GALNTL6: variants seen among roughly 807,000 people sequenced by gnomAD.
GALNTL6 encodes polypeptide N-acetylgalactosaminyltransferase-like 6.
In GALNTL6, 46 loss-of-function variants were observed where a neutral mutation model predicts 73.7. That is an observed-to-expected ratio of 0.62 (90% CI 0.49 to 0.80). GALNTL6 has a LOEUF of 0.80. Ranked by LOEUF, GALNTL6 falls within the 30% of genes least tolerant of loss-of-function variation. GALNTL6 has a pLI of 0.00. For missense variants in GALNTL6, 604 were observed against 755.0 expected (o/e 0.80, Z 2.34); for synonymous variants, 259 against 263.7 (o/e 0.98, Z 0.17).
intron 2 of GALNTL6, among the ~76,000 whole-genome samples, chr4:172,054,455 C>G (rs1457789913): frequency 6.6e-6 from 1 of 152,138 alleles, no homozygotes; most frequent in Non-Finnish European, 1.5e-5. Flanking sequence ...CTTATAAACA[C>G]TTGTCACAGC....
chr4:172,097,424 G>A (rs985802712), intron 2 of GALNTL6, among the ~76,000 whole-genome samples: 1 of 152,120 alleles, frequency 6.6e-6, no homozygotes, highest in Non-Finnish European at 1.5e-5. Flanking sequence ...ACAGAGCTCT[G>A]CCCATTATGA....
intron 8 of GALNTL6, among the ~76,000 whole-genome samples, chr4:172,903,375 C>T (rs1406846027): frequency 6.6e-6 from 1 of 152,150 alleles, no homozygotes; most frequent in African/African-American, 2.4e-5. Flanking sequence ...TTCTCTCTAA[C>T]AATACTAATC....
intron 3 of GALNTL6, among the ~76,000 whole-genome samples, chr4:172,272,596 T>C (rs1297574085): frequency 6.6e-6 from 1 of 152,170 alleles, no homozygotes; most frequent in East Asian, 1.9e-4. Context: ...GTCTGTGCAG[T>C]AGGTAGTCCA....
chr4:172,302,124 T>C (rs1739953957), intron 3 of GALNTL6, among the ~76,000 whole-genome samples: 1 of 152,154 alleles, frequency 6.6e-6, no homozygotes, highest in Non-Finnish European at 1.5e-5. Context: ...CAGACTGCTG[T>C]GCTAGCAATG....
chr4:172,036,038 CCAGA>C (rs1416904041), intron 2 of GALNTL6, among the ~76,000 whole-genome samples: 2 of 151,940 alleles, frequency 1.3e-5, no homozygotes, highest in Non-Finnish European at 2.9e-5. Context: ...TTTGTTAACC[CCAGA>C]CATTTAATAA....
chr4:172,843,317 A>G (rs1013011909), intron 7 of GALNTL6, among the ~76,000 whole-genome samples: 1 of 152,188 alleles, frequency 6.6e-6, no homozygotes, highest in Non-Finnish European at 1.5e-5. Flanking sequence ...CTTTTCTGCA[A>G]TTGCAGAATC....
chr4:172,458,424 A>G (rs1732484628), intron 5 of GALNTL6, among the ~76,000 whole-genome samples: 1 of 151,892 alleles, frequency 6.6e-6, no homozygotes, highest in African/African-American at 2.4e-5. Context: ...AACTCAGTGA[A>G]TTCAGGAGCT....
intron 5 of GALNTL6, among the ~76,000 whole-genome samples, chr4:172,528,921 A>G (rs1735062899): frequency 1.5e-5 from 2 of 134,534 alleles, no homozygotes; most frequent in South Asian, 4.9e-4. Flanking sequence ...CAGATGAGGA[A>G]ACTGCTTCAG....
At chr4:172,478,723 CAG>C (rs1733331580) in intron 5 of GALNTL6, among the ~76,000 whole-genome samples, 2 of 152,092 alleles carry the variant, frequency 1.3e-5, no homozygotes, top group South Asian at 2.1e-4. Context: ...AGACAATGTA[CAG>C]AGTGAGATAA....
intron 2 of GALNTL6, among the ~76,000 whole-genome samples, chr4:171,960,059 A>G (rs934662880): frequency 9.9e-5 from 15 of 152,204 alleles, no homozygotes; most frequent in African/African-American, 3.4e-4. Flanking sequence ...AAAAGTGAGG[A>G]CAGATTATCA....
chr4:172,238,882 T>G (rs111735421), intron 3 of GALNTL6, among the ~76,000 whole-genome samples: 1,614 of 152,308 alleles, frequency 0.011, 25 homozygotes, highest in African/African-American at 0.035. Flanking sequence ...TTTATAGTTC[T>G]CTTTATGTGA....
chr4:172,379,536 C>A (rs868652700), intron 5 of GALNTL6, among the ~76,000 whole-genome samples: 182 of 75,642 alleles, frequency 2.4e-3, no homozygotes, highest in African/African-American at 5.8e-3. Flanking sequence ...GACTCCGTCT[C>A]AAAAAAAAAA....
intron 5 of GALNTL6, among the ~76,000 whole-genome samples, chr4:172,354,163 C>G (rs1324575767): frequency 1.3e-5 from 2 of 152,016 alleles, no homozygotes; most frequent in East Asian, 3.9e-4. Context: ...CCATCAGGTA[C>G]TTCACTAGAT....
chr4:172,779,158 A>G (rs1716188292), intron 5 of GALNTL6, among the ~76,000 whole-genome samples: 1 of 152,162 alleles, frequency 6.6e-6, no homozygotes, highest in African/African-American at 2.4e-5. Flanking sequence ...CACTCCAAGT[A>G]TTTGTCTAAT....
At chr4:172,288,394 T>C (rs971674630) in intron 3 of GALNTL6, among the ~76,000 whole-genome samples, 2 of 152,124 alleles carry the variant, frequency 1.3e-5, no homozygotes, top group African/African-American at 4.8e-5. Context: ...CCTGGCCGAA[T>C]TGATTTTTTT....
At chr4:171,951,665 GATA>G (rs1362055833) in intron 2 of GALNTL6, among the ~76,000 whole-genome samples, 1 of 151,906 alleles carries the variant, frequency 6.6e-6, no homozygotes, top group Non-Finnish European at 1.5e-5. Flanking sequence ...ATGTCAAATA[GATA>G]ATATCTTTCA....
At chr4:172,405,011 G>A (rs1048107210) in intron 5 of GALNTL6, among the ~76,000 whole-genome samples, 4 of 152,030 alleles carry the variant, frequency 2.6e-5, no homozygotes, top group African/African-American at 9.7e-5. Flanking sequence ...TTCAGAAGCT[G>A]CAATGATTAC....
chr4:172,370,056 C>T (rs1742736675), intron 5 of GALNTL6, among the ~76,000 whole-genome samples: 1 of 152,194 alleles, frequency 6.6e-6, no homozygotes, highest in Non-Finnish European at 1.5e-5. Flanking sequence ...ACCCCAACTG[C>T]TGTTGGGAAT....
Position 172,362,352 on chromosome 4 carries a change from A to G in GALNTL6, c.553+13663A>G, listed in dbSNP as rs145519829. On this transcript the variant is annotated intron_variant, in intron 5 of 12. Coordinates refer to ENST00000506823, the MANE Select transcript of GALNTL6 (RefSeq NM_001034845.3). The stretch of plus-strand genomic sequence containing the variant: ...GATAATTTAAGTAATTTATAAGTGT[A>G]TTTGTTCACATTAATTAATATTATT... Among the ~76,000 whole-genome samples, 488 of 149,538 alleles carry G rather than the reference A, an allele frequency of 3.3e-3. 2 individuals carry two copies. Among genetic ancestry groups the G allele is most frequent in the African/African-American group, 6.7e-3 (276 of 40,912 alleles).
Sources: allele counts gnomAD v4.1 joint callset (sites outside exome capture counted in the v4.1 genomes callset), GRCh38; gene constraint gnomAD v4.1.1; transcripts MANE v1.5; gene names NCBI Gene and HGNC (gene_info 2026-07-23, HGNC 2026-07-21).